NRAP: variants seen among roughly 807,000 people sequenced by gnomAD.
NRAP encodes nebulin-related-anchoring protein.
Under a neutral mutation model 225.9 loss-of-function variants are expected in NRAP, and 189 were observed. The observed-to-expected ratio is 0.84, with a 90% CI of 0.74 to 0.94. The LOEUF is 0.94. Among genes scored for constraint, NRAP ranks in the 40% least tolerant of loss-of-function variants. NRAP has a pLI of 0.00. For synonymous variants in NRAP, 769 were observed against 790.7 expected (o/e 0.97, Z 0.46); for missense variants, 2,176 against 2,168.7 (o/e 1.00, Z -0.07).
At position 113,614,851 on chromosome 10, in the gene NRAP, T is replaced by A. The variant is rs2133947842; in HGVS notation, c.3174A>T (p.Glu1058Asp). The A allele has an allele frequency of 6.3e-7, 1 of 1,599,854 alleles. No homozygotes were observed. Among genetic ancestry groups the A allele is most frequent in the South Asian group, 1.1e-5 (1 of 90,800 alleles). The change falls in exon 28 of 42, where the codon GAA (glutamate) becomes GAT (aspartate). Residue 1058 changes from glutamate (E) to aspartate (D), a missense_variant. Coordinates refer to ENST00000359988, the MANE Select transcript of NRAP (RefSeq NM_198060.4). ...LPFQAAKASG[E>D]IISDYKYKEA... ...GGTGAATGCTCACATCACTTATGATTTCACCAGAAGCCTTTGCTGCTTGGA... is the reference window on the plus strand; with the variant it reads ...GGTGAATGCTCACATCACTTATGATATCACCAGAAGCCTTTGCTGCTTGGA...
In NRAP at chr10:113,626,029, G is replaced by C. The variant is rs753477942; in HGVS notation, c.2244+18C>G. The C allele has an allele frequency of 1.3e-6, 2 of 1,571,612 alleles. No individual in the cohort carries two copies. The highest frequency in any genetic ancestry group is 8.7e-7 in the Non-Finnish European group (1 of 1,155,198). On this transcript the variant is annotated intron_variant, in intron 21 of 41. Coordinates refer to ENST00000359988, the MANE Select transcript of NRAP (RefSeq NM_198060.4). ...ATGACACAGCAGCTTGGTGGAGAAAGGGCAGCCCAGGACTCACCCCGCTCT... is the reference window on the plus strand; with the variant it reads ...ATGACACAGCAGCTTGGTGGAGAAACGGCAGCCCAGGACTCACCCCGCTCT...
At chr10:113,606,143 G>T in intron 33 of NRAP, 35 bp downstream of exon 33, 2 of 1,452,684 alleles carry the variant, frequency 1.4e-6, no homozygotes, top group South Asian at 1.1e-5. Context: ...CATGGCTTTG[G>T]AGCATGCTTG....
intron 11 of NRAP, 54 bp from the exon 12 acceptor site, chr10:113,643,092 G>A (rs1849301622): frequency 2.3e-6 from 2 of 882,096 alleles, no homozygotes; most frequent in South Asian, 2.8e-5. Context: ...AGTCACTCTT[G>A]AAAATGTCCC....
chr10:113,603,886 G>A (rs551496642), intron 35 of NRAP, among the ~76,000 whole-genome samples: 3 of 151,988 alleles, frequency 2.0e-5, no homozygotes, highest in Non-Finnish European at 2.9e-5. Flanking sequence ...ACACGTGTAC[G>A]TGCACGCACA....
In NRAP at chr10:113,621,855, C is replaced by A; in HGVS notation, c.2769+14G>T. The A allele has an allele frequency of 6.3e-7, 1 of 1,595,676 alleles. No individual in the cohort carries two copies. Among genetic ancestry groups the A allele is most frequent in the South Asian group, 1.1e-5 (1 of 87,964 alleles). On this transcript the variant is annotated intron_variant, in intron 24 of 41. Transcript: ENST00000359988. ...ACATACACACACAAGTGCACACACT[C>A]ACACAGAGCTTACATCACTCTGTAA...
At chr10:113,594,832 G>T (rs1564694621) in intron 38 of NRAP, among the ~76,000 whole-genome samples, 1 of 152,228 alleles carries the variant, frequency 6.6e-6, no homozygotes, top group Non-Finnish European at 1.5e-5. Context: ...CTGTTGATCT[G>T]CACGGAGCCC....
At chr10:113,638,490 A>G (rs1270110504) in intron 14 of NRAP, among the ~76,000 whole-genome samples, 1 of 152,196 alleles carries the variant, frequency 6.6e-6, no homozygotes, top group Admixed American at 6.5e-5. Flanking sequence ...GAGAGACCAC[A>G]ATTGTTCTTG....
At chr10:113,643,962 C>T (rs567740500) in intron 11 of NRAP, among the ~76,000 whole-genome samples, 4 of 151,708 alleles carry the variant, frequency 2.6e-5, no homozygotes, top group South Asian at 2.1e-4. Flanking sequence ...GGCCAGCAGA[C>T]GGGGTTTCAC....
chr10:113,596,751 G>A (rs1846302328), intron 37 of NRAP, among the ~76,000 whole-genome samples: 1 of 152,184 alleles, frequency 6.6e-6, no homozygotes, highest in Non-Finnish European at 1.5e-5. Flanking sequence ...AGCACTTATT[G>A]AGAACTTACT....
At chr10:113,590,081 C>T (rs968497405) in intron 40 of NRAP, among the ~76,000 whole-genome samples, 2 of 152,142 alleles carry the variant, frequency 1.3e-5, no homozygotes, top group African/African-American at 4.8e-5. Context: ...CTGCTCCACA[C>T]ACTCTGTGGC....
At chr10:113,636,793 G>T (rs1848893845) in intron 14 of NRAP, among the ~76,000 whole-genome samples, 1 of 152,248 alleles carries the variant, frequency 6.6e-6, no homozygotes, top group East Asian at 1.9e-4. Context: ...AGGATCACGA[G>T]GTAGGGAGTT....
chr10:113,647,081 G>T, intron 9 of NRAP, 54 bp from the exon 10 acceptor site: 1 of 1,146,646 alleles, frequency 8.7e-7, no homozygotes, highest in Non-Finnish European at 1.3e-6. Context: ...CCAGATGGGT[G>T]GGGTTCAGCA....
chr10:113,660,617 C>A (rs1027341730), intron 3 of NRAP, among the ~76,000 whole-genome samples: 8 of 152,298 alleles, frequency 5.3e-5, no homozygotes, highest in Admixed American at 1.3e-4. Flanking sequence ...GGAGACATGC[C>A]TGCTGTGGCT....
At chr10:113,606,570 T>C (rs1204220152) in intron 32 of NRAP, among the ~76,000 whole-genome samples, 1 of 152,234 alleles carries the variant, frequency 6.6e-6, no homozygotes. Flanking sequence ...AGGTTCCTTA[T>C]ATCGTAGACT....
At chr10:113,631,681 C>A in intron 17 of NRAP, 71 bp from the exon 18 acceptor site, 1 of 1,064,884 alleles carries the variant, frequency 9.4e-7, no homozygotes. Flanking sequence ...CTGGTTTTAA[C>A]AAGTGCAAGG....
chr10:113,627,095 A>G (rs1169498015), intron 20 of NRAP, among the ~76,000 whole-genome samples: 1 of 152,224 alleles, frequency 6.6e-6, no homozygotes, highest in Non-Finnish European at 1.5e-5. Flanking sequence ...TGAACCCAAC[A>G]CAGTGATTGG....
intron 14 of NRAP, among the ~76,000 whole-genome samples, chr10:113,636,038 C>A (rs1848849805): frequency 6.6e-6 from 1 of 152,232 alleles, no homozygotes; most frequent in African/African-American, 2.4e-5. Flanking sequence ...GCCAGCTGAG[C>A]TCCCCCGGCT....
chr10:113,658,469 G>T (rs1331780981), intron 3 of NRAP, among the ~76,000 whole-genome samples: 1 of 152,126 alleles, frequency 6.6e-6, no homozygotes, highest in Non-Finnish European at 1.5e-5. Flanking sequence ...TCATAACCTT[G>T]AGATAGACAA....
intron 3 of NRAP, among the ~76,000 whole-genome samples, chr10:113,659,691 A>AATTCCATT (rs1193272688): frequency 1.2e-4 from 18 of 152,216 alleles, no homozygotes; most frequent in African/African-American, 4.3e-4. Context: ...TTTTTCTAAA[A>AATTCCATT]ATTCCATTCA....
Sources: gnomAD v4.1 joint callset for allele counts (sites outside exome capture counted in the v4.1 genomes callset) on GRCh38, gnomAD v4.1.1 for gene constraint, MANE v1.5 for transcripts, NCBI Gene and HGNC (gene_info 2026-07-23, HGNC 2026-07-21) for gene names.